The following CTNNA3 variants were observed in gnomAD, a reference collection of about 807,000 sequenced individuals.
CTNNA3 encodes catenin alpha 3.
CTNNA3 carries 76 observed loss-of-function variants against 95.7 expected under a neutral mutation model. The observed-to-expected ratio is 0.79, with a 90% confidence interval of 0.66 to 0.96. The LOEUF is 0.96. Ranked by LOEUF, CTNNA3 falls within the 40% of genes least tolerant of loss-of-function variation. The pLI, the probability that CTNNA3 is intolerant of heterozygous loss-of-function variation, is 0.00. For synonymous variants in CTNNA3, 431 were observed against 374.4 expected (o/e 1.15, Z -1.74); for missense variants, 1,191 against 1,089.8 (o/e 1.09, Z -1.31).
chr10:65,955,408 G>A lies in CTNNA3; in HGVS notation c.2400+11204C>T, dbSNP rs141382651. 5.3e-3 allele frequency among the ~76,000 whole-genome samples: 807 copies of A among 152,234 alleles called. 8 individuals are homozygous for A. The highest frequency in any genetic ancestry group is 0.024 in the East Asian group (123 of 5,176). Reference sequence around the variant, plus strand: ...TTCTCCTGCCTGATTGCCCTGGCCAGAACTTCCAACACTATGTTGAATAGG... The same window carrying A: ...TTCTCCTGCCTGATTGCCCTGGCCAAAACTTCCAACACTATGTTGAATAGG... On this transcript the variant is annotated intron_variant, in intron 17 of 17. Transcript: ENST00000433211.
intron 17 of CTNNA3, among the ~76,000 whole-genome samples, chr10:65,932,457 C>T (rs997270855): frequency 6.6e-6 from 1 of 152,078 alleles, no homozygotes; most frequent in Non-Finnish European, 1.5e-5. Context: ...TAGTAACAGC[C>T]TTGTGATGTA....
At chr10:66,996,673 C>CAAAAAAAAAAAAAAAAA (rs1851371155) in intron 7 of CTNNA3, among the ~76,000 whole-genome samples, 1 of 69,086 alleles carries the variant, frequency 1.4e-5, no homozygotes. Flanking sequence ...AAAAAAAAAG[C>CAAAAAAAAAAAAAAAAA]ATGTTTGTGT....
chr10:67,568,416 A>G (rs569500278), intron 3 of CTNNA3, among the ~76,000 whole-genome samples: 13 of 152,050 alleles, frequency 8.5e-5, no homozygotes, highest in African/African-American at 2.9e-4. Flanking sequence ...TCAATATTGA[A>G]CATTTAAAAT....
At chr10:67,283,585 C>A (rs1464705635) in intron 5 of CTNNA3, among the ~76,000 whole-genome samples, 1 of 152,082 alleles carries the variant, frequency 6.6e-6, no homozygotes, top group African/African-American at 2.4e-5. Flanking sequence ...AGATGCAGAC[C>A]CCAGAAGCAT....
intron 12 of CTNNA3, among the ~76,000 whole-genome samples, chr10:66,375,925 G>A (rs1444041124): frequency 6.6e-6 from 1 of 152,130 alleles, no homozygotes; most frequent in Non-Finnish European, 1.5e-5. Context: ...TCAGATACTT[G>A]ATGAATGAAC....
At chr10:66,816,741 C>G (rs958598432) in intron 7 of CTNNA3, among the ~76,000 whole-genome samples, 1 of 152,160 alleles carries the variant, frequency 6.6e-6, no homozygotes, top group South Asian at 2.1e-4. Flanking sequence ...CCCAAATTCA[C>G]ATGAAACATT....
chr10:67,155,753 G>T (rs2132076585), intron 7 of CTNNA3, among the ~76,000 whole-genome samples: 1 of 152,170 alleles, frequency 6.6e-6, no homozygotes, highest in Admixed American at 6.5e-5. Context: ...CTGCATTGGT[G>T]GTATAATGGT....
chr10:66,273,858 G>A (rs574397906), intron 13 of CTNNA3, among the ~76,000 whole-genome samples: 1 of 151,938 alleles, frequency 6.6e-6, no homozygotes, highest in South Asian at 2.1e-4. Context: ...GAAAAGAAGA[G>A]TAGAGGAGGG....
At chr10:66,276,256 G>A (rs12260580) in intron 13 of CTNNA3, among the ~76,000 whole-genome samples, 11,101 of 152,010 alleles carry the variant, frequency 0.073, 1,194 homozygotes, top group African/African-American at 0.24. Flanking sequence ...TTTTTGAAGC[G>A]CCTTTGATAA....
Position 65,917,081 on chromosome 10 carries a change from G to C in CTNNA3, c.*3249C>G, listed in dbSNP as rs2077016118. ...TGGGTGTCTCTGTGTAGCTATGGAG[G>C]ACCTTATTCCCTGTACATAAGAGAT... On this transcript the variant is annotated 3_prime_UTR_variant, in exon 18 of 18. Transcript: ENST00000433211. The C allele has an allele frequency of 6.6e-6, 1 of 152,134 alleles. No individual in the cohort carries two copies. Among genetic ancestry groups the C allele is most frequent in the Admixed American group, 6.5e-5 (1 of 15,268 alleles). The allele number at this position is 152,134 out of a possible 1,614,324, so 9.4% of individuals were successfully genotyped here.
chr10:66,395,626 C>T (rs1589189883), intron 11 of CTNNA3, among the ~76,000 whole-genome samples: 1 of 151,942 alleles, frequency 6.6e-6, no homozygotes. Context: ...TTATTATTTA[C>T]CTTTCCATGA....
At chr10:67,701,686 G>C (rs1185583632) in intron 1 of CTNNA3, among the ~76,000 whole-genome samples, 1 of 152,150 alleles carries the variant, frequency 6.6e-6, no homozygotes, top group Non-Finnish European at 1.5e-5. Flanking sequence ...AAACTGTAAA[G>C]ACCATCGAGG....
chr10:67,169,022 G>A (rs887408460), intron 7 of CTNNA3, among the ~76,000 whole-genome samples: 3 of 152,016 alleles, frequency 2.0e-5, no homozygotes, highest in Non-Finnish European at 2.9e-5. Context: ...AATCATAAAG[G>A]CAATCTGATT....
intron 15 of CTNNA3, among the ~76,000 whole-genome samples, chr10:66,020,837 A>G (rs75240135): frequency 6.6e-6 from 1 of 151,788 alleles, no homozygotes; most frequent in Non-Finnish European, 1.5e-5. Flanking sequence ...ATACCCAGCT[A>G]ATTTTTTTTG....
intron 1 of CTNNA3, among the ~76,000 whole-genome samples, chr10:67,729,875 A>G (rs1841264966): frequency 1.3e-5 from 2 of 152,288 alleles, no homozygotes; most frequent in Admixed American, 1.3e-4. Flanking sequence ...TTTCACCTCA[A>G]TTTTTTAAAA....
chr10:66,326,723 C>T (rs12240640), intron 12 of CTNNA3, among the ~76,000 whole-genome samples: 3,260 of 151,922 alleles, frequency 0.021, 132 homozygotes, highest in African/African-American at 0.075. Flanking sequence ...GAGATCAGAC[C>T]AGAAAGGGTG....
At chr10:66,252,043 CAG>C (rs1564812672) in intron 13 of CTNNA3, among the ~76,000 whole-genome samples, 1 of 152,132 alleles carries the variant, frequency 6.6e-6, no homozygotes, top group Non-Finnish European at 1.5e-5. Flanking sequence ...TTTAATCTCA[CAG>C]AGTCACTTCT....
chr10:67,064,535 T>C (rs1409573509), intron 7 of CTNNA3, among the ~76,000 whole-genome samples: 1 of 152,204 alleles, frequency 6.6e-6, no homozygotes, highest in East Asian at 1.9e-4. Flanking sequence ...GCAAGCTTTC[T>C]CTATAACATT....
At chr10:66,838,119 G>A (rs1842941057) in intron 7 of CTNNA3, among the ~76,000 whole-genome samples, 1 of 152,052 alleles carries the variant, frequency 6.6e-6, no homozygotes, top group Admixed American at 6.6e-5. Flanking sequence ...TATGATTCTA[G>A]GATAAAACTC....
Sources: allele counts gnomAD v4.1 joint callset (sites outside exome capture counted in the v4.1 genomes callset), GRCh38; gene constraint gnomAD v4.1.1; transcripts MANE v1.5; gene names NCBI Gene and HGNC (gene_info 2026-07-23, HGNC 2026-07-21).